Variants in C3orf20 observed in about 807,000 individuals in gnomAD.
C3orf20 encodes the protein uncharacterized protein C3orf20.
C3orf20 carries 76 observed loss-of-function variants against 88.3 expected under a neutral mutation model. The observed-to-expected ratio is 0.86, with a 90% CI of 0.72 to 1.04. The LOEUF (loss-of-function observed/expected upper bound fraction) is 1.04. C3orf20 is among the 50% of genes least tolerant of loss of function. The pLI is 0.00. For synonymous variants in C3orf20, 436 were observed against 437.4 expected (o/e 1.00, Z 0.04); for missense variants, 1,056 against 1,123.3 (o/e 0.94, Z 0.86).
intron 4 of C3orf20, among the ~76,000 whole-genome samples, chr3:14,688,211 A>G (rs1332493732): frequency 1.3e-5 from 2 of 152,180 alleles, no homozygotes; most frequent in African/African-American, 2.4e-5. Context: ...CAAAGCTGTA[A>G]CAGGTCTAGA....
intron 12 of C3orf20, among the ~76,000 whole-genome samples, chr3:14,731,839 T>A (rs540528370): frequency 2.8e-4 from 42 of 152,352 alleles, no homozygotes; most frequent in African/African-American, 1.0e-3. Context: ...CTAATGTTAA[T>A]TTTTTTGTGT....
intron 5 of C3orf20, among the ~76,000 whole-genome samples, chr3:14,693,197 C>G (rs13320840): frequency 0.66 from 100,748 of 151,950 alleles, 33,485 homozygotes; most frequent in Middle Eastern, 0.71. Flanking sequence ...ATAGCTTTGG[C>G]TATTCTAGGT....
rs1412348203 is a variant in C3orf20, at chr3:14,768,744, T to C, written c.2496-3323T>C. Among the ~76,000 whole-genome samples, 1 of 151,920 alleles carries C rather than the reference T, an allele frequency of 6.6e-6. No individual in the cohort carries two copies. The highest frequency in any genetic ancestry group is 6.5e-5 in the Admixed American group (1 of 15,270). Reference sequence around the variant, plus strand: ...AAATAGTGGGCTAGCCGCAATACCATGGGGAGGTGGGCTCCACACCCGACA... The same window carrying C: ...AAATAGTGGGCTAGCCGCAATACCACGGGGAGGTGGGCTCCACACCCGACA... On this transcript the variant is annotated intron_variant, in intron 15 of 16. Coordinates refer to ENST00000253697, the MANE Select transcript of C3orf20 (RefSeq NM_032137.5). This position sits in a 1 kb window ranked among gnomAD's most constrained non-coding sequence, Gnocchi z 4.1.
chr3:14,683,944 G>T (rs962220461), intron 3 of C3orf20, among the ~76,000 whole-genome samples: 1 of 151,512 alleles, frequency 6.6e-6, no homozygotes, highest in Non-Finnish European at 1.5e-5. Flanking sequence ...ATCAAGGCCA[G>T]GACCTACAGC....
chr3:14,685,662 C>A (rs2032374916), intron 4 of C3orf20, among the ~76,000 whole-genome samples: 1 of 151,976 alleles, frequency 6.6e-6, no homozygotes, highest in East Asian at 1.9e-4. Context: ...AATATCTTCC[C>A]ACTCCCCCGC....
At chr3:14,728,771 G>T in intron 12 of C3orf20, 83 bp downstream of exon 12, 3 of 1,448,518 alleles carry the variant, frequency 2.1e-6, no homozygotes, top group East Asian at 4.9e-5. Context: ...AACAGATGGG[G>T]CCCCTCTCTT....
rs749690636 is a variant in C3orf20 at position 14,703,184 on chromosome 3, G to A, written c.800G>A (p.Gly267Glu). 2 of 1,614,078 alleles carry A rather than the reference G, an allele frequency of 1.2e-6. No homozygotes were observed. The highest frequency in any genetic ancestry group is 1.3e-5 in the African/African-American group (1 of 74,924). Residue 267 changes from glycine to glutamate, a missense_variant, in exon 6 of 17, where the codon GGA (glycine) becomes GAA (glutamate). Coordinates refer to ENST00000253697, the MANE Select transcript of C3orf20 (RefSeq NM_032137.5). ...VSMPPLHRGV[G>E]TPANSLEFSD... ...ATGCCGCCCCTGCATCGAGGAGTGG[G>A]AACCCCTGCCAACAGCCTGGAGTTC...
Position 14,757,599 on chromosome 3 carries a change from C to T in C3orf20, c.2169C>T (p.Ser723=), listed in dbSNP as rs140629163. Residue 723 remains serine, a synonymous_variant, in exon 13 of 17, where the codon AGC becomes AGT. Transcript: ENST00000253697. The stretch of plus-strand genomic sequence containing the variant: ...TCATCTCAAGCCAGAACTACACCAG[C>T]ACTGGGCAGCTCCAGTGGCTGCTGA... The part of the protein sequence containing the change: ...FGIISSQNYT[S]TGQLQWLLNT... 266 of 1,613,970 alleles carry T rather than the reference C, an allele frequency of 1.6e-4. No individual in the cohort carries two copies. Among genetic ancestry groups the T allele is most frequent in the Non-Finnish European group, 2.2e-4 (255 of 1,180,024 alleles).
chr3:14,690,254 TG>T, intron 5 of C3orf20, 138 bp downstream of exon 5: 1 of 1,216,536 alleles, frequency 8.2e-7, no homozygotes, highest in Non-Finnish European at 1.1e-6. Flanking sequence ...CGGCTCTGCC[TG>T]GAGATCCAGC....
rs547125544 is a variant in C3orf20 at position 14,703,808 on chromosome 3, A to T, written c.879-529A>T. ...ACATGGGTGATTAGTGGTTTTTATCATTCTGTGGGGCCATCCCACAAGCCC... is the reference window on the plus strand; with the variant it reads ...ACATGGGTGATTAGTGGTTTTTATCTTTCTGTGGGGCCATCCCACAAGCCC... On this transcript the variant is annotated intron_variant, in intron 6 of 16. Transcript: ENST00000253697. 3.3e-5 allele frequency among the ~76,000 whole-genome samples: 5 copies of T among 152,324 alleles called. No individual in the cohort carries two copies. In the East Asian group the frequency reaches 9.6e-4, roughly 29 times the overall value.
At chr3:14,675,573 A>G (rs1055351582) in intron 1 of C3orf20, among the ~76,000 whole-genome samples, 3 of 152,210 alleles carry the variant, frequency 2.0e-5, no homozygotes, top group East Asian at 1.9e-4. Flanking sequence ...GGCTGCATCT[A>G]TATAGTCACT....
intron 1 of C3orf20, among the ~76,000 whole-genome samples, chr3:14,678,585 G>T (rs2031914890): frequency 6.6e-6 from 1 of 152,238 alleles, no homozygotes; most frequent in Admixed American, 6.5e-5. Context: ...TGAAGAAGGT[G>T]CTGCGTCCAT....
At chr3:14,760,092 G>C in intron 14 of C3orf20, 94 bp downstream of exon 14, 2 of 975,216 alleles carry the variant, frequency 2.1e-6, no homozygotes, top group Non-Finnish European at 3.3e-6. Context: ...GAGGAGGAGA[G>C]AGGAGAAGAA....
chr3:14,689,945 T>C (rs1305575925), intron 4 of C3orf20, 52 bp from the exon 5 acceptor site: 6 of 1,612,264 alleles, frequency 3.7e-6, no homozygotes, highest in Non-Finnish European at 5.1e-6. Context: ...TTTTGGCTAA[T>C]AAAATTAAAA....
At chr3:14,732,939 G>A (rs1313463868) in intron 12 of C3orf20, among the ~76,000 whole-genome samples, 1 of 152,074 alleles carries the variant, frequency 6.6e-6, no homozygotes, top group Non-Finnish European at 1.5e-5. Flanking sequence ...TGTTCCAACA[G>A]TACTTTTTTT....
intron 7 of C3orf20, among the ~76,000 whole-genome samples, chr3:14,707,980 G>A (rs999659967): frequency 1.3e-5 from 2 of 151,838 alleles, no homozygotes; most frequent in African/African-American, 4.8e-5. Context: ...CCACCACGCT[G>A]ACTAATTTTG....
intron 7 of C3orf20, among the ~76,000 whole-genome samples, chr3:14,713,450 T>C (rs2033823499): frequency 6.6e-6 from 1 of 152,160 alleles, no homozygotes; most frequent in Non-Finnish European, 1.5e-5. Context: ...ATGTCCTCCT[T>C]AGTCAGGACC....
intron 12 of C3orf20, among the ~76,000 whole-genome samples, chr3:14,741,614 T>A (rs2034900893): frequency 6.6e-6 from 1 of 152,226 alleles, no homozygotes; most frequent in South Asian, 2.1e-4. Flanking sequence ...CACCTGTGAT[T>A]GTTCTGTGGG....
At chr3:14,762,233 C>T (rs2035584106) in intron 15 of C3orf20, among the ~76,000 whole-genome samples, 1 of 152,218 alleles carries the variant, frequency 6.6e-6, no homozygotes, top group Admixed American at 6.5e-5. Flanking sequence ...TGATCCCAGG[C>T]CCCTGTAGCA....
Sources: allele counts gnomAD v4.1 joint callset (sites outside exome capture counted in the v4.1 genomes callset), GRCh38; gene constraint gnomAD v4.1.1; non-coding constraint Gnocchi (gnomAD v3.1); transcripts MANE v1.5; gene names NCBI Gene and HGNC (gene_info 2026-07-23, HGNC 2026-07-21).